Variants in SLC9A3 observed in about 807,000 individuals in gnomAD.
The protein encoded by SLC9A3 is sodium/hydrogen exchanger 3.
SLC9A3 carries 37 observed loss-of-function variants against 86.8 expected under a neutral mutation model. The ratio of observed to expected loss-of-function variants is 0.43; its 90% CI spans 0.33 to 0.56. The LOEUF (loss-of-function observed/expected upper bound fraction) is 0.56, where lower values mean the gene tolerates loss of function less well. SLC9A3 is among the 20% of genes least tolerant of loss of function. The pLI is 0.06. For missense variants in SLC9A3, 1,011 were observed against 1,171.9 expected, an observed-to-expected ratio of 0.86 and a Z score of 2.00; for synonymous variants, 581 against 528.3, an observed-to-expected ratio of 1.10 and a Z score of -1.37.
chr5:484,739 G>T, intron 4 of SLC9A3, 42 bp from the exon 5 acceptor site: 1 of 1,598,260 alleles, frequency 6.3e-7, no homozygotes, highest in Non-Finnish European at 8.6e-7. Flanking sequence ...GGCCTTCCGG[G>T]CCCTTCCTTG....
intron 1 of SLC9A3, among the ~76,000 whole-genome samples, chr5:513,949 C>G: frequency 6.6e-6 from 1 of 152,248 alleles, no homozygotes; most frequent in East Asian, 1.9e-4. Context: ...ACTGGAGCTT[C>G]TCCTGGGAGC....
At position 475,585 on chromosome 5, in the gene SLC9A3, C is replaced by A. The variant is rs1042002012; in HGVS notation, c.2227G>T (p.Asp743Tyr). Reference protein sequence around the residue: ...GIEFLASVTKDTASDSPAGID... With the variant: ...GIEFLASVTKYTASDSPAGID... ...CCTGCAGGGGAGTCGGACGCTGTGT[C>A]CTTGGTGACACTAGCCAGGAACTCG... The change falls in exon 15 of 17, where the codon GAC becomes TAC. Residue 743 changes from aspartate to tyrosine, a missense_variant. Physicochemically the swap from Asp to Tyr is radical, Grantham distance 160. Transcript: ENST00000264938. 1 of 1,550,998 alleles carries A rather than the reference C, an allele frequency of 6.4e-7. No homozygotes were observed. The highest frequency in any genetic ancestry group is 8.7e-7 in the Non-Finnish European group (1 of 1,145,918).
chr5:498,104 G>A (rs551362994), intron 1 of SLC9A3, among the ~76,000 whole-genome samples: 1 of 152,244 alleles, frequency 6.6e-6, no homozygotes, highest in East Asian at 1.9e-4. Flanking sequence ...ACGTCTCTCG[G>A]ACCTTTCGCT....
chr5:501,809 T>C (rs1229548439), intron 1 of SLC9A3, among the ~76,000 whole-genome samples: 1 of 152,184 alleles, frequency 6.6e-6, no homozygotes, highest in Non-Finnish European at 1.5e-5. Flanking sequence ...AGGTCCGCCG[T>C]GCGGCCTGGC....
Position 522,140 on chromosome 5 carries a change from A to G in SLC9A3, c.211+1972T>C, listed in dbSNP as rs372873877. Among the ~76,000 whole-genome samples, 105 of 152,226 alleles carry G rather than the reference A, an allele frequency of 6.9e-4. 4 individuals are homozygous for G. The East Asian group carries it at 0.013, about 19-fold the overall frequency. On this transcript the variant is annotated intron_variant, in intron 1 of 16. Transcript: ENST00000264938. Reference sequence around the variant, plus strand: ...CTCGCCTTCCCAGGTGGAGCCAACAATCCGAGACAAAGACAGCCGCTGAGT... The same window carrying G: ...CTCGCCTTCCCAGGTGGAGCCAACAGTCCGAGACAAAGACAGCCGCTGAGT...
intron 1 of SLC9A3, among the ~76,000 whole-genome samples, chr5:511,078 TCGAACACACACCAG>T (rs1278485325): frequency 6.6e-6 from 1 of 152,088 alleles, no homozygotes; most frequent in Admixed American, 6.6e-5. Flanking sequence ...TCCCAAAATA[TCGAACACACACCAG>T]CAAAACTGTG....
chr5:482,659 G>T lies in SLC9A3; in HGVS notation c.1245C>A (p.Arg415=), dbSNP rs143761751. The change falls in exon 7 of 17, where the codon CGC becomes CGA. Residue 415 remains arginine, a synonymous_variant. Transcript: ENST00000264938. The stretch of plus-strand genomic sequence containing the variant: ...CCACCAGGGCAAAGGCCACGGCCCC[G>T]CGCAGGCCCCCGTAGGACAGGACCA... The part of the protein sequence containing the change: ...DQVVLSYGGL[R]GAVAFALVVL... 1.2e-6 allele frequency: 2 copies of T among 1,612,440 alleles called. No individual in the cohort carries two copies. Among genetic ancestry groups the T allele is most frequent in the Admixed American group, 1.7e-5 (1 of 59,916 alleles).
intron 3 of SLC9A3, among the ~76,000 whole-genome samples, chr5:486,184 AC>A (rs3836909): frequency 0.49 from 73,476 of 150,634 alleles, 18,360 homozygotes; most frequent in Middle Eastern, 0.59. Context: ...AGCTGACCCC[AC>A]CCTTCCCTCC....
chr5:521,135 G>C (rs112750432), intron 1 of SLC9A3, among the ~76,000 whole-genome samples: 2 of 152,200 alleles, frequency 1.3e-5, no homozygotes, highest in Non-Finnish European at 2.9e-5. Context: ...CCGTGGCCTC[G>C]GCCCTTGCCT....
At position 497,141 on chromosome 5, in the gene SLC9A3, A is replaced by G. The variant is rs1247364625; in HGVS notation, c.212-5070T>C. Among the ~76,000 whole-genome samples the G allele has an allele frequency of 6.6e-6, 1 of 152,220 alleles. No individual in the cohort carries two copies. Among genetic ancestry groups the G allele is most frequent in the East Asian group, 1.9e-4 (1 of 5,204 alleles). ...AAGGCCCTGCTAGCCTCAGAGAGACAGTCTTTCCACACAGATGTCTGTTCT... is the reference window on the plus strand; with the variant it reads ...AAGGCCCTGCTAGCCTCAGAGAGACGGTCTTTCCACACAGATGTCTGTTCT... On this transcript the variant is annotated intron_variant, in intron 1 of 16. Transcript: ENST00000264938. The surrounding 1 kb of genome is among the most constrained non-coding windows in gnomAD (Gnocchi z 5.4).
intron 16 of SLC9A3, among the ~76,000 whole-genome samples, chr5:473,968 TCTCAGGCGGCCCTAGTGCC>T (rs1738550022): frequency 6.6e-6 from 1 of 152,168 alleles, no homozygotes; most frequent in Non-Finnish European, 1.5e-5. Flanking sequence ...CTAAAGGAAA[TCTCAGGCGGCCCTAGTGCC>T]CTCAGCTCCG....
At chr5:474,068 A>C (rs1484748920) in intron 16 of SLC9A3, among the ~76,000 whole-genome samples, 1 of 152,178 alleles carries the variant, frequency 6.6e-6, no homozygotes, top group East Asian at 1.9e-4. Context: ...AGGGCGCTAG[A>C]GGAGGAAGAG....
chr5:500,865 GTGTGGACACAGAGTCA>G (rs1740244090), intron 1 of SLC9A3, among the ~76,000 whole-genome samples: 2 of 71,418 alleles, frequency 2.8e-5, no homozygotes, highest in Admixed American at 1.4e-4. Context: ...GATGGGGCCA[GTGTGGACACAGAGTCA>G]GTGTGGACAT....
intron 1 of SLC9A3, among the ~76,000 whole-genome samples, chr5:514,347 T>C (rs1038717132): frequency 3.9e-5 from 6 of 152,182 alleles, no homozygotes; most frequent in African/African-American, 1.4e-4. Context: ...GCTCTGTCCC[T>C]CAGGGGGCTC....
At chr5:512,117 G>A (rs1375420191) in intron 1 of SLC9A3, among the ~76,000 whole-genome samples, 1 of 152,230 alleles carries the variant, frequency 6.6e-6, no homozygotes, top group Non-Finnish European at 1.5e-5. Context: ...AGAGAGGGAT[G>A]AACAGGCAGA....
intron 1 of SLC9A3, among the ~76,000 whole-genome samples, chr5:513,184 C>T (rs551668030): frequency 6.6e-6 from 1 of 152,252 alleles, no homozygotes; most frequent in African/African-American, 2.4e-5. Context: ...CAGACTCCAG[C>T]AGACCACAAA....
intron 3 of SLC9A3, among the ~76,000 whole-genome samples, chr5:487,736 C>T (rs1335874388): frequency 3.3e-5 from 5 of 152,222 alleles, no homozygotes; most frequent in South Asian, 4.1e-4. Flanking sequence ...GGCACGATCT[C>T]GGCTCATTGC....
chr5:504,245 C>T (rs926096816), intron 1 of SLC9A3, among the ~76,000 whole-genome samples: 19 of 152,070 alleles, frequency 1.2e-4, no homozygotes, highest in Non-Finnish European at 2.5e-4. Context: ...CCGGAACCCC[C>T]GGGAACCCAA....
intron 3 of SLC9A3, among the ~76,000 whole-genome samples, chr5:486,633 C>T (rs947063854): frequency 6.6e-6 from 1 of 152,168 alleles, no homozygotes; most frequent in Non-Finnish European, 1.5e-5. Context: ...ATTGTGCCCC[C>T]GAAATTCCCA....
Sources: allele counts gnomAD v4.1 joint callset (sites outside exome capture counted in the v4.1 genomes callset), GRCh38; gene constraint gnomAD v4.1.1; non-coding constraint Gnocchi (gnomAD v3.1); transcripts MANE v1.5; gene names NCBI Gene and HGNC (gene_info 2026-07-23, HGNC 2026-07-21).